Variants in ARID1B observed in about 807,000 individuals in gnomAD.
ARID1B encodes the protein AT-rich interaction domain 1B, also known as AT-rich interactive domain-containing protein 1B.
ARID1B carries 30 observed loss-of-function variants against 212.3 expected under a neutral mutation model. That is an observed-to-expected ratio of 0.14 (90% CI 0.11 to 0.19). The LOEUF is 0.19. Ranked by LOEUF, ARID1B falls within the 10% of genes least tolerant of loss-of-function variation. The pLI is 1.00. For synonymous variants in ARID1B, 1,402 were observed against 1,301.7 expected (o/e 1.08, Z -1.66); for missense variants, 2,891 against 3,204.0 (o/e 0.90, Z 2.36).
At chr6:157,105,417 G>A (rs1786388263) in intron 5 of ARID1B, among the ~76,000 whole-genome samples, 2 of 152,038 alleles carry the variant, frequency 1.3e-5, no homozygotes, top group Admixed American at 1.3e-4. Context: ...ATATACCACA[G>A]ACAAAGGGCT....
chr6:157,046,432 A>G (rs897336953), intron 4 of ARID1B, among the ~76,000 whole-genome samples: 5 of 152,220 alleles, frequency 3.3e-5, no homozygotes, highest in African/African-American at 1.2e-4. Flanking sequence ...AATTAAGACT[A>G]CTTGACTGGG....
At chr6:156,907,292 C>G (rs376731984) in intron 3 of ARID1B, among the ~76,000 whole-genome samples, 5 of 151,950 alleles carry the variant, frequency 3.3e-5, no homozygotes, top group African/African-American at 4.8e-5. Flanking sequence ...TTCTAGTTTG[C>G]GAAGAGATTT....
intron 5 of ARID1B, among the ~76,000 whole-genome samples, chr6:157,109,820 A>G (rs2128516150): frequency 6.6e-6 from 1 of 152,336 alleles, no homozygotes; most frequent in East Asian, 1.9e-4. Context: ...AGGAGTTTAC[A>G]TTATATTTGG....
intron 2 of ARID1B, among the ~76,000 whole-genome samples, chr6:156,897,256 T>C (rs1381898961): frequency 1.6e-5 from 2 of 122,910 alleles, no homozygotes; most frequent in East Asian, 2.3e-4. Context: ...CTTCTTCTTC[T>C]TCTTCTTCTT....
chr6:157,074,885 A>T (rs1336720273), intron 4 of ARID1B, among the ~76,000 whole-genome samples: 2 of 152,044 alleles, frequency 1.3e-5, no homozygotes, highest in Non-Finnish European at 2.9e-5. Flanking sequence ...TCTTGTGGAG[A>T]GGTAGTATGG....
chr6:157,022,995 C>T (rs1780424398), intron 4 of ARID1B: 1 of 152,126 alleles, frequency 6.6e-6, no homozygotes, highest in South Asian at 2.1e-4. Context: ...TGTGAATATG[C>T]ATAGAAATTT....
At chr6:156,919,865 A>G (rs1790642453) in intron 3 of ARID1B, among the ~76,000 whole-genome samples, 1 of 152,206 alleles carries the variant, frequency 6.6e-6, no homozygotes, top group South Asian at 2.1e-4. Context: ...ATTTCATCAA[A>G]GGCTAAAGAA....
intron 2 of ARID1B, among the ~76,000 whole-genome samples, chr6:156,852,568 C>G (rs1374589224): frequency 1.3e-5 from 2 of 152,048 alleles, no homozygotes; most frequent in African/African-American, 4.8e-5. Context: ...ATTTTTCCCC[C>G]TCTGAGCCCC....
In ARID1B at chr6:157,206,392, G is replaced by T; in HGVS notation, c.5620G>T (p.Asp1874Tyr). 6.2e-7 allele frequency: 1 copy of T among 1,614,194 alleles called. No homozygotes were observed. Among genetic ancestry groups the T allele is most frequent in the Non-Finnish European group, 8.5e-7 (1 of 1,180,040 alleles). The change falls in exon 20 of 20, where the codon GAC (aspartate) becomes TAC (tyrosine). Residue 1874 changes from aspartate to tyrosine, a missense_variant. Asp to Tyr is a radical substitution (Grantham distance 160). Around this residue, in one of 7 missense-constraint regions of ARID1B, gnomAD observed 332 missense variants for 369.2 expected, o/e 0.90. Coordinates refer to ENST00000636930, the MANE Select transcript of ARID1B (RefSeq NM_001374828.1). The surrounding 1 kb of genome is among the most constrained non-coding windows in gnomAD (Gnocchi z 6.8). ...GGAAGACGAGGAGGATGAGGAGGAAGACAGCGAGAAGACAGAAAGCGATGA... is the reference window on the plus strand; with the variant it reads ...GGAAGACGAGGAGGATGAGGAGGAATACAGCGAGAAGACAGAAAGCGATGA... ...DEEDEEDEEEDSEKTESDEKS... is the reference protein window; with the variant it reads ...DEEDEEDEEEYSEKTESDEKS...
chr6:157,134,788 T>A (rs1234039748), intron 7 of ARID1B, among the ~76,000 whole-genome samples: 5 of 152,204 alleles, frequency 3.3e-5, no homozygotes, highest in Non-Finnish European at 7.3e-5. Context: ...GTTTGTAACT[T>A]GTGGTAGGCA....
At chr6:157,058,384 C>T (rs1783107804) in intron 4 of ARID1B, among the ~76,000 whole-genome samples, 1 of 151,980 alleles carries the variant, frequency 6.6e-6, no homozygotes, top group Non-Finnish European at 1.5e-5. Context: ...CCTGCCTCAG[C>T]CTCCTGAGTG....
At chr6:157,026,331 G>A (rs905593576) in intron 4 of ARID1B, among the ~76,000 whole-genome samples, 12 of 152,162 alleles carry the variant, frequency 7.9e-5, no homozygotes, top group East Asian at 1.9e-4. Context: ...CAAAAGACTC[G>A]TCTTTTCCAT....
At chr6:157,181,923 A>G (rs1207759547) in intron 12 of ARID1B, among the ~76,000 whole-genome samples, 2 of 152,164 alleles carry the variant, frequency 1.3e-5, no homozygotes, top group Non-Finnish European at 2.9e-5. Context: ...ACCAGCCCCA[A>G]AGCATAGATG....
At chr6:157,145,060 C>G (rs1334857537) in intron 7 of ARID1B, among the ~76,000 whole-genome samples, 2 of 152,126 alleles carry the variant, frequency 1.3e-5, no homozygotes, top group South Asian at 2.1e-4. Flanking sequence ...GTTTCCTGTT[C>G]CCCTGTGTCT....
chr6:156,817,461 C>G (rs1469245459), intron 1 of ARID1B, among the ~76,000 whole-genome samples: 1 of 151,746 alleles, frequency 6.6e-6, no homozygotes, highest in Non-Finnish European at 1.5e-5. Flanking sequence ...CATAGCAAGA[C>G]CCCATCTCTA....
Position 157,148,533 on chromosome 6 carries a change from G to A in ARID1B, c.2762-91G>A, listed in dbSNP as rs560134597. On this transcript the variant is annotated intron_variant, in intron 7 of 19. Transcript: ENST00000636930. The surrounding 1 kb of genome is among the most constrained non-coding windows in gnomAD (Gnocchi z 5.6). ...ATAACGGTCATGACTAATACTCCGT[G>A]CTGATCGCATTGTTGGACAAAAAGT... The A allele has an allele frequency of 7.2e-7, 1 of 1,394,168 alleles. No homozygotes were observed. Among genetic ancestry groups the A allele is most frequent in the Non-Finnish European group, 9.8e-7 (1 of 1,020,996 alleles). 86.4% of individuals were successfully genotyped at this position (1,394,168 alleles called of 1,614,324 possible). A position where few individuals can be genotyped will look rare whatever the true frequency, so the allele number is the denominator to read the frequency against.
Position 157,147,971 on chromosome 6 carries a change from C to G in ARID1B, c.2762-653C>G, listed in dbSNP as rs201982436. On this transcript the variant is annotated intron_variant, in intron 7 of 19. Transcript: ENST00000636930. ...CGCCAGCTCTCCTGCTGCCGTGTGC[C>G]GTGCTTGTGCTGGGACAGTTTTCCG... 4.5e-4 allele frequency among the ~76,000 whole-genome samples: 63 copies of G among 140,842 alleles called. 1 individual carries two copies. The South Asian group carries it at 0.014, about 31-fold the overall frequency. 92.4% of individuals were successfully genotyped at this position (140,842 alleles called of 152,430 possible). A position where few individuals can be genotyped will look rare whatever the true frequency, so the allele number is the denominator to read the frequency against.
intron 5 of ARID1B, among the ~76,000 whole-genome samples, chr6:157,098,093 A>C (rs768498055): frequency 6.6e-6 from 1 of 152,170 alleles, no homozygotes; most frequent in Non-Finnish European, 1.5e-5. Flanking sequence ...TAGAAAGAGG[A>C]AAAATATTGA....
chr6:156,962,278 G>A (rs1270163175), intron 4 of ARID1B, among the ~76,000 whole-genome samples: 2 of 152,172 alleles, frequency 1.3e-5, no homozygotes, highest in Admixed American at 1.3e-4. Flanking sequence ...CAGCCTGGGC[G>A]ACAGGGCGAG....
Sources: allele counts gnomAD v4.1 joint callset (sites outside exome capture counted in the v4.1 genomes callset), GRCh38; gene constraint gnomAD v4.1.1; regional missense constraint gnomAD v4.1.1; non-coding constraint Gnocchi (gnomAD v3.1); transcripts MANE v1.5; gene names NCBI Gene and HGNC (gene_info 2026-07-23, HGNC 2026-07-21).